Variants in SYTL5 observed in about 807,000 individuals in gnomAD.
The protein encoded by SYTL5 is synaptotagmin like 5.
Under a neutral mutation model 55.9 loss-of-function variants are expected in SYTL5, and 34 were observed. That is an observed-to-expected ratio of 0.61 (90% CI 0.46 to 0.81). SYTL5 has a LOEUF of 0.81. SYTL5 is among the 30% of genes least tolerant of loss of function. The pLI is 0.00. For missense variants in SYTL5, 637 were observed against 546.7 expected, an observed-to-expected ratio of 1.17 and a Z score of -1.65; for synonymous variants, 221 against 188.7, an observed-to-expected ratio of 1.17 and a Z score of -1.40.
intron 6 of SYTL5, 34 bp downstream of exon 6, chrX:38,076,735 C>T (rs1480043148): frequency 8.4e-7 from 1 of 1,193,448 alleles, no homozygotes; most frequent in South Asian, 1.8e-5. Flanking sequence ...ATGATGTAGC[C>T]TGAGGTTAAG....
At chrX:38,044,247 G>A (rs1426454964) in intron 2 of SYTL5, among the ~76,000 whole-genome samples, 5 of 111,272 alleles carry the variant, frequency 4.5e-5, no homozygotes, top group Non-Finnish European at 9.4e-5. Context: ...GACAACTAGG[G>A]AAACTGCTCG....
intron 1 of SYTL5, among the ~76,000 whole-genome samples, chrX:38,020,442 T>C (rs1934514110): frequency 1.0e-5 from 1 of 96,436 alleles, no homozygotes; most frequent in African/African-American, 3.7e-5. Context: ...TATATATATA[T>C]ATATATATTT....
chrX:37,918,879 A>C, the SYTL5 span, among the ~76,000 whole-genome samples: 4 of 110,972 alleles, frequency 3.6e-5, no homozygotes, highest in Non-Finnish European at 7.6e-5. Context: ...CCGTGGATGC[A>C]TCTGACTACT....
At chrX:37,977,517 G>T in the SYTL5 span, among the ~76,000 whole-genome samples, 1 of 109,908 alleles carries the variant, frequency 9.1e-6, no homozygotes, top group East Asian at 2.9e-4. Context: ...TGGGGAGGAG[G>T]AAATGAGGAA....
chrX:38,047,135 G>A (rs73632443), intron 2 of SYTL5, among the ~76,000 whole-genome samples: 4,839 of 111,662 alleles, frequency 0.043, 86 homozygotes, highest in Middle Eastern at 0.065. Context: ...ACTGTTCTGC[G>A]GTCTGGAGGA....
the SYTL5 span, among the ~76,000 whole-genome samples, chrX:37,913,704 C>T: frequency 8.9e-6 from 1 of 112,357 alleles, no homozygotes; most frequent in Admixed American, 9.4e-5. Flanking sequence ...CTCCTCCATC[C>T]TTGGCCTGAT....
the SYTL5 span, among the ~76,000 whole-genome samples, chrX:37,991,873 G>C: frequency 8.9e-6 from 1 of 111,930 alleles, no homozygotes; most frequent in Non-Finnish European, 1.9e-5. Flanking sequence ...TATGAAAGCG[G>C]ATTTGAGACA....
the SYTL5 span, among the ~76,000 whole-genome samples, chrX:37,986,652 G>GA: frequency 9.0e-6 from 1 of 111,236 alleles, no homozygotes. Context: ...CCCGCTTTGA[G>GA]AACCTCATTC....
chrX:38,071,126 A>C (rs906223092), intron 3 of SYTL5, among the ~76,000 whole-genome samples: 6 of 112,213 alleles, frequency 5.3e-5, no homozygotes, highest in African/African-American at 1.9e-4. Flanking sequence ...ACTATGGAAA[A>C]CAAAAGATGA....
rs1052291762 is a variant in SYTL5, at chrX:38,072,080, T to G, written c.363T>G (p.Phe121Leu). 8.3e-7 allele frequency: 1 copy of G among 1,208,939 alleles called. No individual in the cohort carries two copies. The highest frequency in any genetic ancestry group is 1.7e-5 in the African/African-American group (1 of 57,237). Residue 121 changes from phenylalanine (F) to leucine (L), a missense_variant, in exon 4 of 17, where the codon TTT (phenylalanine) becomes TTG (leucine). Transcript: ENST00000297875. ...GGATTATAACTGGTGAGTGGTTTTT[T>G]GAAGAAAAGGCAAAACGTTTCAAGC... ...QLRIITGEWF[F>L]EEKAKRFKQV... is the part of the protein sequence containing the mutation.
At chrX:37,925,882 C>T in the SYTL5 span, among the ~76,000 whole-genome samples, 1 of 111,928 alleles carries the variant, frequency 8.9e-6, no homozygotes, top group Admixed American at 9.5e-5. Context: ...TGAATTACTT[C>T]ACTTAGAATA....
At chrX:37,910,295 G>A in the SYTL5 span, among the ~76,000 whole-genome samples, 1 of 111,736 alleles carries the variant, frequency 8.9e-6, no homozygotes, top group Non-Finnish European at 1.9e-5. Flanking sequence ...TCTTTTCTCT[G>A]TGAATGTCTG....
intron 6 of SYTL5, among the ~76,000 whole-genome samples, chrX:38,078,549 C>T (rs919961699): frequency 9.0e-6 from 1 of 110,773 alleles, no homozygotes; most frequent in African/African-American, 3.3e-5. Context: ...CGTGAGCCAC[C>T]GCACCCGGCC....
the SYTL5 span, among the ~76,000 whole-genome samples, chrX:38,001,245 G>T: frequency 9.0e-6 from 1 of 111,377 alleles, no homozygotes; most frequent in Admixed American, 9.5e-5. Flanking sequence ...GGGTATCCAT[G>T]ACCTCAAGCA....
At chrX:38,035,269 TAGTCA>T (rs1370132218) in intron 2 of SYTL5, among the ~76,000 whole-genome samples, 5 of 112,384 alleles carry the variant, frequency 4.4e-5, no homozygotes, top group South Asian at 7.4e-4. Flanking sequence ...TTGACATTAG[TAGTCA>T]AGTCATGAAA....
intron 3 of SYTL5, among the ~76,000 whole-genome samples, 161 bp downstream of exon 3, chrX:38,054,583 GGTGTGT>G (rs3067493): frequency 2.0e-5 from 2 of 98,597 alleles, no homozygotes; most frequent in African/African-American, 7.6e-5. Context: ...AGGGCTCTGG[GGTGTGT>G]GTGTGTGTGT....
At chrX:38,024,852 A>G (rs1460605055) in intron 1 of SYTL5, among the ~76,000 whole-genome samples, 3 of 109,506 alleles carry the variant, frequency 2.7e-5, no homozygotes, top group African/African-American at 9.9e-5. Flanking sequence ...TTGTGAAATT[A>G]AAAAAAAAAT....
At position 38,073,574 on chromosome X, in the gene SYTL5, ATTGT is replaced by A. The variant is rs773168237; in HGVS notation, c.446-10_446-7del. On this transcript the variant is annotated splice_polypyrimidine_tract_variant and intron_variant, in intron 4 of 16. Coordinates refer to ENST00000297875, the MANE Select transcript of SYTL5 (RefSeq NM_138780.3). ...ATTTTGTATGTAAATTTCTCTTCTGATTGTTTGTTAATGAGGAGCTGAAGAAGTA... is the reference window on the plus strand; with the variant it reads ...ATTTTGTATGTAAATTTCTCTTCTGATTGTTAATGAGGAGCTGAAGAAGTA... 3 of 1,124,047 alleles carry A rather than the reference ATTGT, an allele frequency of 2.7e-6. No homozygotes were observed. Among genetic ancestry groups the A allele is most frequent in the South Asian group, 2.1e-5 (1 of 48,508 alleles). The allele number at this position is 1,124,047 out of a possible 1,213,427, so 92.6% of individuals were successfully genotyped here.
intron 3 of SYTL5, among the ~76,000 whole-genome samples, chrX:38,068,940 A>C (rs1204384166): frequency 8.9e-6 from 1 of 111,933 alleles, no homozygotes; most frequent in Admixed American, 9.5e-5. Context: ...ATTTTTTAGA[A>C]GACCCTATTT....
Sources: allele counts gnomAD v4.1 joint callset (sites outside exome capture counted in the v4.1 genomes callset), GRCh38; gene constraint gnomAD v4.1.1; transcripts MANE v1.5; gene names NCBI Gene and HGNC (gene_info 2026-07-23, HGNC 2026-07-21).